Variants in CTNNA2 observed in about 807,000 individuals in gnomAD.
The protein encoded by CTNNA2 is catenin alpha-2.
Under a neutral mutation model 101.0 loss-of-function variants are expected in CTNNA2, and 42 were observed. That is an observed-to-expected ratio of 0.42 (90% CI 0.32 to 0.54). The LOEUF (loss-of-function observed/expected upper bound fraction) is 0.54, where lower values mean the gene tolerates loss of function less well. Among genes scored for constraint, CTNNA2 ranks in the 20% least tolerant of loss-of-function variants. CTNNA2 has a pLI of 0.14. For synonymous variants in CTNNA2, 450 were observed against 456.4 expected (o/e 0.99, Z 0.18); for missense variants, 871 against 1,223.1 (o/e 0.71, Z 4.29).
At chr2:79,304,294 A>G (rs964586156) in intron 2 of CTNNA2, among the ~76,000 whole-genome samples, 1 of 152,210 alleles carries the variant, frequency 6.6e-6, no homozygotes, top group African/African-American at 2.4e-5. Flanking sequence ...AGAATTCACT[A>G]CATTTATTTA....
chr2:80,229,761 T>G (rs1488591898), intron 7 of CTNNA2, among the ~76,000 whole-genome samples: 1 of 152,162 alleles, frequency 6.6e-6, no homozygotes, highest in Non-Finnish European at 1.5e-5. Context: ...TCTCTATCCT[T>G]AGAGACCTTC....
At chr2:79,750,158 T>C (rs1319738117) in intron 3 of CTNNA2, among the ~76,000 whole-genome samples, 1 of 152,220 alleles carries the variant, frequency 6.6e-6, no homozygotes, top group Non-Finnish European at 1.5e-5. Context: ...ATTGAAGCTC[T>C]GGACCAAGGA....
At position 79,223,827 on chromosome 2, in the gene CTNNA2, T is replaced by G. The variant is rs115896573; in HGVS notation, c.-406+25751T>G. ...ATTTACCACAATAAATGGTCTAAGC[T>G]CCAAGACATGAGAATTGTTAGGAGA... On this transcript the variant is annotated intron_variant, in intron 2 of 21. Coordinates refer to the CTNNA2 transcript ENST00000466387. Among the ~76,000 whole-genome samples, 564 of 152,266 alleles carry G rather than the reference T, an allele frequency of 3.7e-3. 2 individuals are homozygous for G. The highest frequency in any genetic ancestry group is 0.013 in the African/African-American group (551 of 41,558).
At position 80,559,891 on chromosome 2, in the gene CTNNA2, T is replaced by TATATATATATATATATATATATACACAC. The variant is rs1553387588; in HGVS notation, c.1741+3999_1741+4000insTATATATATATATATATATATACACACA. 4.1e-4 allele frequency among the ~76,000 whole-genome samples: 60 copies of TATATATATATATATATATATATACACAC among 146,852 alleles called. 3 individuals carry two copies. The highest frequency in any genetic ancestry group is 1.5e-3 in the African/African-American group (58 of 38,182). On this transcript the variant is annotated intron_variant, in intron 12 of 18. Transcript: ENST00000402739. Reference sequence around the variant, plus strand: ...GCGATATCATATTTATATATATATATACACACACATACAGTAGCTCATTCT... The same window carrying TATATATATATATATATATATATACACAC: ...GCGATATCATATTTATATATATATATATATATATATATATATATATATACACACACACACACATACAGTAGCTCATTCT...
At chr2:80,594,583 C>G (rs1696785744) in intron 15 of CTNNA2, among the ~76,000 whole-genome samples, 1 of 151,660 alleles carries the variant, frequency 6.6e-6, no homozygotes, top group African/African-American at 2.4e-5. Flanking sequence ...ATTACCAAAT[C>G]CAATGTCATG....
intron 18 of CTNNA2, among the ~76,000 whole-genome samples, chr2:80,619,498 A>G (rs959805541): frequency 6.6e-6 from 1 of 151,918 alleles, no homozygotes. Flanking sequence ...ACTGAAAGTC[A>G]TGGCATATGT....
At chr2:79,390,091 C>T (rs1429245675) in intron 4 of CTNNA2, among the ~76,000 whole-genome samples, 1 of 152,116 alleles carries the variant, frequency 6.6e-6, no homozygotes, top group Non-Finnish European at 1.5e-5. Flanking sequence ...TGGTCATTCC[C>T]CATTCTTCAC....
intron 9 of CTNNA2, among the ~76,000 whole-genome samples, chr2:80,509,252 G>A (rs1479325437): frequency 2.0e-5 from 3 of 152,170 alleles, no homozygotes; most frequent in African/African-American, 4.8e-5. Context: ...CTCAGGGAAG[G>A]CAAGTGATTT....
intron 11 of CTNNA2, among the ~76,000 whole-genome samples, chr2:80,554,901 C>T (rs1053174306): frequency 1.3e-5 from 2 of 152,144 alleles, no homozygotes; most frequent in African/African-American, 4.8e-5. Context: ...CAAAATTACA[C>T]ACTTGTTAAA....
intron 3 of CTNNA2, among the ~76,000 whole-genome samples, chr2:79,798,970 T>G (rs1675937746): frequency 6.6e-6 from 1 of 152,180 alleles, no homozygotes; most frequent in African/African-American, 2.4e-5. Flanking sequence ...ACATGTGATC[T>G]GATTTATTGT....
chr2:80,115,588 A>T (rs1287198771), intron 7 of CTNNA2, among the ~76,000 whole-genome samples: 1 of 152,160 alleles, frequency 6.6e-6, no homozygotes, highest in Non-Finnish European at 1.5e-5. Flanking sequence ...GTAACGAGAG[A>T]GAGAGGGGGA....
intron 2 of CTNNA2, among the ~76,000 whole-genome samples, chr2:79,210,121 C>A: frequency 1.2e-5 from 1 of 81,066 alleles, no homozygotes; most frequent in East Asian, 4.1e-4. Flanking sequence ...TGTGTTTAAG[C>A]AGAAGCAGAA....
intron 7 of CTNNA2, among the ~76,000 whole-genome samples, chr2:80,102,517 G>A (rs898571626): frequency 4.6e-5 from 7 of 152,052 alleles, no homozygotes; most frequent in African/African-American, 1.4e-4. Context: ...ATTTATTTAT[G>A]TATTTATTTA....
intron 7 of CTNNA2, among the ~76,000 whole-genome samples, chr2:79,929,048 A>G (rs1357121124): frequency 3.3e-5 from 5 of 152,214 alleles, no homozygotes; most frequent in African/African-American, 1.2e-4. Flanking sequence ...ACTAAATACA[A>G]GCCATGTAAG....
At chr2:79,801,195 T>G (rs1676124652) in intron 3 of CTNNA2, among the ~76,000 whole-genome samples, 1 of 152,208 alleles carries the variant, frequency 6.6e-6, no homozygotes, top group Non-Finnish European at 1.5e-5. Context: ...TTGCCTCTTG[T>G]GCACTCCCTC....
At chr2:79,407,459 A>G (rs1224653914) in intron 4 of CTNNA2, among the ~76,000 whole-genome samples, 1 of 151,928 alleles carries the variant, frequency 6.6e-6, no homozygotes, top group Admixed American at 6.6e-5. Flanking sequence ...TTCTCTCCCC[A>G]TATGCAACTT....
chr2:79,826,494 C>T (rs1678448485), intron 3 of CTNNA2, among the ~76,000 whole-genome samples: 2 of 152,134 alleles, frequency 1.3e-5, no homozygotes, highest in Non-Finnish European at 2.9e-5. Context: ...GCAATTTGGC[C>T]TCAACCAAAT....
chr2:80,631,298 C>CT lies in CTNNA2; in HGVS notation c.2574+12078dup, dbSNP rs199625198. On this transcript the variant is annotated intron_variant, in intron 18 of 18. Transcript: ENST00000402739. ...ATCTTATTGGAAGTTAAAGGTAGTA[C>CT]TTTTTTTTCAAAGAAGTTTTCCAAT... Among the ~76,000 whole-genome samples, 647 of 149,012 alleles carry CT rather than the reference C, an allele frequency of 4.3e-3. 8 individuals carry two copies. Among genetic ancestry groups the CT allele is most frequent in the African/African-American group, 0.014 (557 of 40,568 alleles).
chr2:80,346,624 C>A (rs1025574940), intron 7 of CTNNA2, among the ~76,000 whole-genome samples: 1 of 152,304 alleles, frequency 6.6e-6, no homozygotes, highest in South Asian at 2.1e-4. Flanking sequence ...TTTCCTTTCT[C>A]TCAGCATCGG....
Sources: allele counts gnomAD v4.1 joint callset (sites outside exome capture counted in the v4.1 genomes callset), GRCh38; gene constraint gnomAD v4.1.1; transcripts MANE v1.5; gene names NCBI Gene and HGNC (gene_info 2026-07-23, HGNC 2026-07-21).